The following AKT1 variants were observed in gnomAD, a reference collection of about 807,000 sequenced individuals.
AKT1 encodes AKT serine/threonine kinase 1, also known as RAC-alpha serine/threonine-protein kinase.
Under a neutral mutation model 63.1 loss-of-function variants are expected in AKT1, and 21 were observed. The observed-to-expected ratio is 0.33, with a 90% CI of 0.24 to 0.48. The LOEUF is 0.48. Among genes scored for constraint, AKT1 ranks in the 20% least tolerant of loss-of-function variants. The pLI is 0.99. For synonymous variants in AKT1, 257 were observed against 253.1 expected, an observed-to-expected ratio of 1.02 and a Z score of -0.15; for missense variants, 382 against 666.0, an observed-to-expected ratio of 0.57 and a Z score of 4.69.
At chr14:104,772,856 A>G (rs1248982309) in intron 12 of AKT1, 22 bp downstream of exon 12, 1 of 1,597,312 alleles carries the variant, frequency 6.3e-7, no homozygotes, top group Non-Finnish European at 8.5e-7. Flanking sequence ...TGTAGCCTGT[A>G]GCTGGGATGG....
intron 5 of AKT1, 24 bp downstream of exon 5, chr14:104,776,635 G>A (rs752283796): frequency 6.2e-7 from 1 of 1,604,284 alleles, no homozygotes; most frequent in East Asian, 2.2e-5. Context: ...CAAGTGCCTG[G>A]CCTGGCCGCC....
At chr14:104,780,877 C>G (rs376131585) in intron 3 of AKT1, among the ~76,000 whole-genome samples, 1 of 152,216 alleles carries the variant, frequency 6.6e-6, no homozygotes, top group Non-Finnish European at 1.5e-5. Flanking sequence ...TGGGGACTGC[C>G]GATGAAGCCA....
chr14:104,774,128 T>TGATACCACACCGCCC, intron 8 of AKT1, 148 bp from the exon 9 acceptor site: 1 of 701,074 alleles, frequency 1.4e-6, no homozygotes, highest in Non-Finnish European at 2.5e-6. Flanking sequence ...CCACGCTGCC[T>TGATACCACACCGCCC]GATACCACAC....
At chr14:104,774,050 A>G (rs943348541) in intron 8 of AKT1, 70 bp from the exon 9 acceptor site, 15 of 1,458,160 alleles carry the variant, frequency 1.0e-5, no homozygotes, top group Non-Finnish European at 1.2e-5. Context: ...GCTGCCCGAC[A>G]CCACGCTGCT....
Position 104,769,354 on chromosome 14 carries a change from A to T in AKT1, c.*987T>A, listed in dbSNP as rs894353052. On this transcript the variant is annotated 3_prime_UTR_variant, in exon 15 of 15. Transcript: ENST00000649815. Reference sequence around the variant, plus strand: ...CCAGCAAAGTGAGCCAAAAATTTGAAAAGCAACTTTTATTGAAGAATTTGG... The same window carrying T: ...CCAGCAAAGTGAGCCAAAAATTTGATAAGCAACTTTTATTGAAGAATTTGG... 8.3e-6 allele frequency: 2 copies of T among 241,148 alleles called. No homozygotes were observed. The highest frequency in any genetic ancestry group is 1.6e-5 in the Non-Finnish European group (2 of 122,532). 14.9% of individuals were successfully genotyped at this position (241,148 alleles called of 1,614,324 possible).
chr14:104,781,566 C>A (rs1011098931), intron 3 of AKT1, among the ~76,000 whole-genome samples: 1 of 151,668 alleles, frequency 6.6e-6, no homozygotes, highest in Non-Finnish European at 1.5e-5. Context: ...CACCAAGGCT[C>A]GACACATGGC....
At chr14:104,774,246 C>T (rs1892583669) in intron 8 of AKT1, 2 of 536,834 alleles carry the variant, frequency 3.7e-6, no homozygotes, top group Admixed American at 6.1e-5. Context: ...CCACACTGCC[C>T]CACACCACAC....
At chr14:104,775,557 G>A (rs567976182) in intron 6 of AKT1, 95 bp downstream of exon 6, 1 of 1,500,836 alleles carries the variant, frequency 6.7e-7, no homozygotes, top group Non-Finnish European at 9.0e-7. Flanking sequence ...GGAGTGCTGA[G>A]TGTCTCCTGG....
rs749781543 is a variant in AKT1 at position 104,780,182 on chromosome 14, G to A, written c.81C>T (p.Phe27=). Reference sequence around the variant, plus strand: ...TGAAGGTGCCATCATTCTTGAGGAGGAAGTAGCGTGGCCGCCAGGTCTTGA... The same window carrying A: ...TGAAGGTGCCATCATTCTTGAGGAGAAAGTAGCGTGGCCGCCAGGTCTTGA... ...EYIKTWRPRY[F]LLKNDGTFIG... Residue 27 remains phenylalanine, a synonymous_variant, in exon 4 of 15, where the codon TTC becomes TTT. Transcript: ENST00000649815. The A allele has an allele frequency of 6.2e-6, 10 of 1,613,604 alleles. No homozygotes were observed. The highest frequency in any genetic ancestry group is 8.5e-6 in the Non-Finnish European group (10 of 1,179,944).
intron 3 of AKT1, among the ~76,000 whole-genome samples, chr14:104,790,381 G>A (rs935067154): frequency 6.6e-6 from 1 of 151,598 alleles, no homozygotes; most frequent in African/African-American, 2.4e-5. Flanking sequence ...CCTGAGCACT[G>A]TGAAGCACGG....
At chr14:104,786,777 C>T (rs1348472013) in intron 3 of AKT1, among the ~76,000 whole-genome samples, 1 of 152,132 alleles carries the variant, frequency 6.6e-6, no homozygotes, top group African/African-American at 2.4e-5. Flanking sequence ...CCCTGACCCC[C>T]GTGGCCTCAC....
At chr14:104,781,739 C>A (rs1893059624) in intron 3 of AKT1, among the ~76,000 whole-genome samples, 1 of 152,216 alleles carries the variant, frequency 6.6e-6, no homozygotes, top group South Asian at 2.1e-4. Flanking sequence ...CCCCACCCAG[C>A]AGGGCCTGAG....
chr14:104,776,769 C>G lies in AKT1; in HGVS notation c.177G>C (p.Gln59His). 3 of 1,612,452 alleles carry G rather than the reference C, an allele frequency of 1.9e-6. No individual in the cohort carries two copies. The highest frequency in any genetic ancestry group is 2.5e-6 in the Non-Finnish European group (3 of 1,179,616). ...GCCGCTCCGTCTTCATCAGCTGGCA[C>G]TCTGCGGGCAGGCAGAGCCTCTGTC... ...EAPLNNFSVA[Q>H]CQLMKTERPR... is the part of the protein sequence containing the mutation. The change falls in exon 5 of 15, where the codon CAG (glutamine) becomes CAC (histidine). Residue 59 changes from glutamine (Q) to histidine (H), a missense_variant and splice_region_variant. Physicochemically the swap from Gln to His is conservative, Grantham distance 24. This residue lies in a region of AKT1 where 226 missense variants were observed against 366.4 expected (regional missense o/e 0.62). Coordinates refer to ENST00000649815, the MANE Select transcript of AKT1 (RefSeq NM_001382430.1).
intron 4 of AKT1, chr14:104,778,417 C>A (rs1314318478): frequency 6.6e-6 from 1 of 152,354 alleles, no homozygotes; most frequent in African/African-American, 2.4e-5. Context: ...TCTCCCCTCA[C>A]CCCTGGGGTG....
chr14:104,784,278 C>T (rs1447132957), intron 3 of AKT1, among the ~76,000 whole-genome samples: 1 of 152,166 alleles, frequency 6.6e-6, no homozygotes, highest in Non-Finnish European at 1.5e-5. Flanking sequence ...GGCAGGGGCT[C>T]CTGTGCCTGA....
At chr14:104,776,066 C>G (rs1892689877) in intron 5 of AKT1, 4 of 391,966 alleles carry the variant, frequency 1.0e-5, no homozygotes, top group Middle Eastern at 6.8e-4. Flanking sequence ...GACTCCGCCC[C>G]CCAGCAGGAC....
Position 104,776,772 on chromosome 14 carries a change from T to C in AKT1, c.176-2A>G. The C allele has an allele frequency of 6.2e-7, 1 of 1,612,202 alleles. No individual in the cohort carries two copies. The highest frequency in any genetic ancestry group is 1.1e-5 in the South Asian group (1 of 91,044). On this transcript the variant is annotated splice_acceptor_variant, in intron 4 of 14. Coordinates refer to ENST00000649815, the MANE Select transcript of AKT1 (RefSeq NM_001382430.1). LOFTEE classifies it high-confidence loss of function. ...GCTCCGTCTTCATCAGCTGGCACTC[T>C]GCGGGCAGGCAGAGCCTCTGTCTGC...
intron 3 of AKT1, among the ~76,000 whole-genome samples, chr14:104,785,822 G>A (rs552679338): frequency 2.0e-5 from 3 of 152,216 alleles, no homozygotes; most frequent in South Asian, 2.1e-4. Context: ...CCATGACCCC[G>A]TCCACCTCGC....
intron 3 of AKT1, among the ~76,000 whole-genome samples, chr14:104,790,145 G>A (rs1425229914): frequency 1.3e-5 from 2 of 152,326 alleles, no homozygotes; most frequent in South Asian, 2.1e-4. Flanking sequence ...CCAAGTAGCC[G>A]TGGTGGGACT....
Sources: gnomAD v4.1 joint callset for allele counts (sites outside exome capture counted in the v4.1 genomes callset) on GRCh38, gnomAD v4.1.1 for gene constraint, gnomAD v4.1.1 regional missense constraint, MANE v1.5 for transcripts, NCBI Gene and HGNC (gene_info 2026-07-23, HGNC 2026-07-21) for gene names.